Variants in PTPN2 observed in about 807,000 individuals in gnomAD.
PTPN2 encodes the protein protein tyrosine phosphatase non-receptor type 2, also known as tyrosine-protein phosphatase non-receptor type 2.
Under a neutral mutation model 57.3 loss-of-function variants are expected in PTPN2, and 19 were observed. The ratio of observed to expected loss-of-function variants is 0.33; its 90% CI spans 0.23 to 0.49. The LOEUF (loss-of-function observed/expected upper bound fraction) is 0.49. Among genes scored for constraint, PTPN2 ranks in the 20% least tolerant of loss-of-function variants. The pLI is 0.99. For synonymous variants in PTPN2, 153 were observed against 164.9 expected (o/e 0.93, Z 0.55); for missense variants, 358 against 501.1 (o/e 0.71, Z 2.73).
intron 7 of PTPN2, among the ~76,000 whole-genome samples, chr18:12,810,482 G>A (rs1176229177): frequency 6.6e-6 from 1 of 152,086 alleles, no homozygotes; most frequent in East Asian, 1.9e-4. Flanking sequence ...GTCTTACTCT[G>A]TTGCCCAGGC....
chr18:12,810,295 C>T (rs1013348677), intron 7 of PTPN2, among the ~76,000 whole-genome samples: 4 of 151,724 alleles, frequency 2.6e-5, no homozygotes, highest in Non-Finnish European at 4.4e-5. Context: ...ATCTGGGAGG[C>T]GGAGGTTGCA....
rs967118266 is a variant in PTPN2, at chr18:12,829,429, C to T, written c.360+1514G>A. On this transcript the variant is annotated intron_variant, in intron 4 of 8. Transcript: ENST00000309660. ...CTGAGACGGGAGAATCTCTTGAACCCGGGAAGTGGAGGCTGCAGTGAGCTG... is the reference window on the plus strand; with the variant it reads ...CTGAGACGGGAGAATCTCTTGAACCTGGGAAGTGGAGGCTGCAGTGAGCTG... 6.7e-4 allele frequency among the ~76,000 whole-genome samples: 100 copies of T among 149,926 alleles called. 1 individual carries two copies. The highest frequency in any genetic ancestry group is 2.4e-3 in the African/African-American group (97 of 40,732).
intron 5 of PTPN2, chr18:12,819,216 T>C: frequency 7.1e-7 from 1 of 1,408,988 alleles, no homozygotes; most frequent in Non-Finnish European, 9.5e-7. Flanking sequence ...GTACATACTT[T>C]TAGTGACCTT....
intron 8 of PTPN2, among the ~76,000 whole-genome samples, chr18:12,801,545 T>C (rs1030499133): frequency 3.3e-5 from 5 of 152,150 alleles, no homozygotes; most frequent in Admixed American, 2.0e-4. Flanking sequence ...TTATTTCATA[T>C]ATCATATCCA....
chr18:12,872,569 G>A (rs1450986562), intron 1 of PTPN2, among the ~76,000 whole-genome samples: 3 of 152,210 alleles, frequency 2.0e-5, no homozygotes. Context: ...GATTACAGGT[G>A]TAAGCCACCA....
chr18:12,859,234 A>G lies in PTPN2; in HGVS notation c.90T>C (p.His30=), dbSNP rs983896303. 1.2e-6 allele frequency: 2 copies of G among 1,611,898 alleles called. No individual in the cohort carries two copies. Among genetic ancestry groups the G allele is most frequent in the East Asian group, 2.2e-5 (1 of 44,860 alleles). Residue 30 remains histidine (H), a synonymous_variant, in exon 2 of 9, where the codon CAT becomes CAC. Coordinates refer to ENST00000309660, the MANE Select transcript of PTPN2 (RefSeq NM_002828.4). ...ACTTGGCCACTCTATGAGGATAGTC[A>G]TGGGACTCATTTCGAATTTCCTTAA... ...PLYLEIRNES[H]DYPHRVAKFP...
chr18:12,834,526 T>C (rs893853102), intron 3 of PTPN2, among the ~76,000 whole-genome samples: 1 of 151,740 alleles, frequency 6.6e-6, no homozygotes, highest in Non-Finnish European at 1.5e-5. Context: ...CATAATAGGG[T>C]TTTTATGAAA....
chr18:12,855,958 TA>T (rs2043574760), intron 2 of PTPN2, among the ~76,000 whole-genome samples: 1 of 152,194 alleles, frequency 6.6e-6, no homozygotes, highest in South Asian at 2.1e-4. Context: ...AAAAGTCAAC[TA>T]AAGATCCTGC....
intron 1 of PTPN2, among the ~76,000 whole-genome samples, chr18:12,882,719 C>T (rs2044702796): frequency 6.6e-6 from 1 of 152,190 alleles, no homozygotes; most frequent in Admixed American, 6.5e-5. Context: ...TACTCTGTAT[C>T]ATGGGAATCA....
chr18:12,855,211 G>C (rs1209669933), intron 2 of PTPN2, among the ~76,000 whole-genome samples: 1 of 152,134 alleles, frequency 6.6e-6, no homozygotes, highest in African/African-American at 2.4e-5. Context: ...AGGGTGGAGA[G>C]ACAAATGGCA....
intron 1 of PTPN2, among the ~76,000 whole-genome samples, chr18:12,870,665 C>T (rs1247714407): frequency 4.0e-5 from 6 of 150,158 alleles, no homozygotes; most frequent in South Asian, 2.1e-4. Flanking sequence ...CCCGCAACCA[C>T]GCCCGGCTAC....
At chr18:12,852,892 T>C (rs577410391) in intron 2 of PTPN2, among the ~76,000 whole-genome samples, 1 of 152,296 alleles carries the variant, frequency 6.6e-6, no homozygotes, top group African/African-American at 2.4e-5. Flanking sequence ...AAAAATTCTT[T>C]TTCCATTCCC....
intron 7 of PTPN2, among the ~76,000 whole-genome samples, chr18:12,808,521 C>G (rs1392554360): frequency 6.6e-6 from 1 of 152,198 alleles, no homozygotes; most frequent in Non-Finnish European, 1.5e-5. Context: ...TGGCTCACGC[C>G]TGTAATCCCA....
At chr18:12,878,323 AAAAG>A (rs2044559761) in intron 1 of PTPN2, among the ~76,000 whole-genome samples, 1 of 151,722 alleles carries the variant, frequency 6.6e-6, no homozygotes, top group Non-Finnish European at 1.5e-5. Context: ...TCTCAAAAAG[AAAAG>A]AAAGAAAAAG....
At chr18:12,839,188 A>G (rs947715543) in intron 2 of PTPN2, among the ~76,000 whole-genome samples, 3 of 152,198 alleles carry the variant, frequency 2.0e-5, no homozygotes, top group African/African-American at 7.2e-5. Flanking sequence ...TTTAGTGATG[A>G]TAACAAAGAA....
intron 1 of PTPN2, chr18:12,863,079 G>C (rs2043869244): frequency 6.6e-6 from 1 of 152,150 alleles, no homozygotes; most frequent in Non-Finnish European, 1.5e-5. Context: ...GCAGACAGCT[G>C]AGCTATTCAC....
chr18:12,870,079 G>C (rs977641938), intron 1 of PTPN2, among the ~76,000 whole-genome samples: 1 of 150,886 alleles, frequency 6.6e-6, no homozygotes, highest in Non-Finnish European at 1.5e-5. Flanking sequence ...TTGAGGAAGA[G>C]AGTTTAGAGA....
rs1254403110 is a variant in PTPN2, at chr18:12,870,394, T to C, written c.70-11140A>G. On this transcript the variant is annotated intron_variant, in intron 1 of 8. Transcript: ENST00000309660. ...ATATACATATATATACGTATATATG[T>C]ATATATACACGTATATATATGTATA... 4.7e-5 allele frequency among the ~76,000 whole-genome samples: 4 copies of C among 84,782 alleles called. No individual in the cohort carries two copies. The Admixed American group carries it at 4.8e-4, about 10-fold the overall frequency. 55.6% of individuals were successfully genotyped at this position (84,782 alleles called of 152,430 possible). A position where few individuals can be genotyped will look rare whatever the true frequency, so the allele number is the denominator to read the frequency against.
At chr18:12,823,903 C>A (rs1316640814) in intron 5 of PTPN2, among the ~76,000 whole-genome samples, 2 of 152,172 alleles carry the variant, frequency 1.3e-5, no homozygotes, top group Admixed American at 6.5e-5. Flanking sequence ...AAAAATCATT[C>A]TATTTTATTG....
Sources: allele counts gnomAD v4.1 joint callset (sites outside exome capture counted in the v4.1 genomes callset), GRCh38; gene constraint gnomAD v4.1.1; transcripts MANE v1.5; gene names NCBI Gene and HGNC (gene_info 2026-07-23, HGNC 2026-07-21).